The following CTNNAL1 variants were observed in gnomAD, a reference collection of about 807,000 sequenced individuals.
CTNNAL1 encodes the protein alpha-catulin.
A neutral mutation model predicts 93.6 loss-of-function variants in CTNNAL1; 69 were observed. The ratio of observed to expected loss-of-function variants is 0.74; its 90% confidence interval spans 0.61 to 0.90. The LOEUF is 0.90. Among genes scored for constraint, CTNNAL1 ranks in the 40% least tolerant of loss-of-function variants. The pLI is 0.00. For synonymous variants in CTNNAL1, 286 were observed against 305.4 expected, an observed-to-expected ratio of 0.94 and a Z score of 0.66; for missense variants, 836 against 862.0, an observed-to-expected ratio of 0.97 and a Z score of 0.38.
At chr9:108,945,527 T>G (rs1830375418) in intron 15 of CTNNAL1, among the ~76,000 whole-genome samples, 1 of 151,228 alleles carries the variant, frequency 6.6e-6, no homozygotes, top group Admixed American at 6.6e-5. Flanking sequence ...AGTGGTGTGA[T>G]CACAGCTCAC....
At chr9:108,988,533 TG>T (rs1196953212) in intron 4 of CTNNAL1, among the ~76,000 whole-genome samples, 4 of 152,238 alleles carry the variant, frequency 2.6e-5, no homozygotes, top group African/African-American at 9.6e-5. Context: ...ACTGTTAAAA[TG>T]TAAGTCAGAA....
At chr9:109,011,062 T>C (rs915706480) in intron 1 of CTNNAL1, among the ~76,000 whole-genome samples, 1 of 152,218 alleles carries the variant, frequency 6.6e-6, no homozygotes, top group African/African-American at 2.4e-5. Flanking sequence ...TGGTGAAACA[T>C]GAGTTGGGTA....
chr9:109,008,915 T>C (rs1827125019), intron 1 of CTNNAL1, among the ~76,000 whole-genome samples: 1 of 117,782 alleles, frequency 8.5e-6, no homozygotes. Flanking sequence ...TGAGACAGGG[T>C]CTCATTCTGT....
chr9:108,993,099 A>C (rs1196961685), intron 2 of CTNNAL1, among the ~76,000 whole-genome samples: 1 of 152,214 alleles, frequency 6.6e-6, no homozygotes, highest in Non-Finnish European at 1.5e-5. Flanking sequence ...AAACTACACA[A>C]TCTAAAAGCC....
At chr9:109,000,227 C>T (rs1826750033) in intron 1 of CTNNAL1, among the ~76,000 whole-genome samples, 1 of 152,170 alleles carries the variant, frequency 6.6e-6, no homozygotes, top group Admixed American at 6.5e-5. Context: ...TACAATATTG[C>T]TTTTCATCAA....
At chr9:108,948,118 G>A (rs1218605864) in intron 15 of CTNNAL1, 68 bp downstream of exon 15, 1 of 1,517,554 alleles carries the variant, frequency 6.6e-7, no homozygotes, top group East Asian at 2.3e-5. Flanking sequence ...TAAATCATCT[G>A]GAAAACATTT....
chr9:108,995,695 G>T (rs1298601120), intron 2 of CTNNAL1, among the ~76,000 whole-genome samples: 1 of 152,022 alleles, frequency 6.6e-6, no homozygotes, highest in Non-Finnish European at 1.5e-5. Context: ...TGGTAGCCAA[G>T]TAAAAAGCAA....
intron 7 of CTNNAL1, among the ~76,000 whole-genome samples, chr9:108,977,927 T>A (rs1831309587): frequency 6.6e-6 from 1 of 152,236 alleles, no homozygotes; most frequent in South Asian, 2.1e-4. Flanking sequence ...TTTTAGCTTA[T>A]TCATCTTTAG....
intron 12 of CTNNAL1, 47 bp downstream of exon 12, chr9:108,955,743 A>T: frequency 6.6e-7 from 1 of 1,507,968 alleles, no homozygotes; most frequent in Non-Finnish European, 9.1e-7. Context: ...GCATAATTTG[A>T]ATTCTGAATA....
chr9:108,991,401 G>A (rs140191214), intron 3 of CTNNAL1, among the ~76,000 whole-genome samples: 50 of 152,306 alleles, frequency 3.3e-4, no homozygotes, highest in African/African-American at 1.1e-3. Context: ...TAAAGAGTGT[G>A]TGAATCTGGT....
intron 1 of CTNNAL1, among the ~76,000 whole-genome samples, chr9:109,001,172 C>CAA (rs757020475): frequency 0.26 from 14,608 of 56,612 alleles, 1,339 homozygotes; most frequent in Non-Finnish European, 0.34. Flanking sequence ...ACTCCATCTC[C>CAA]AAAAAAAAAA....
rs1830318553 is a variant in CTNNAL1 at position 108,943,815 on chromosome 9, A to C, written c.1943T>G (p.Leu648Arg). The C allele has an allele frequency of 6.2e-7, 1 of 1,612,742 alleles. No homozygotes were observed. Among genetic ancestry groups the C allele is most frequent in the Non-Finnish European group, 8.5e-7 (1 of 1,179,616 alleles). Residue 648 changes from leucine (L) to arginine (R), a missense_variant and splice_region_variant, in exon 17 of 19, where the codon CTG becomes CGG. By Grantham distance (102) the Leu-to-Arg change is moderately radical. Coordinates refer to ENST00000325551, the MANE Select transcript of CTNNAL1 (RefSeq NM_003798.4). ...TSSVQAFSKQLKDDDKLMLLL... is the reference protein window; with the variant it reads ...TSSVQAFSKQRKDDDKLMLLL... ...AAGCATAAGCTTGTCATCGTCTTTC[A>C]GCTGAAATGTAATTTAACAAGTTAT...
intron 14 of CTNNAL1, chr9:108,950,687 C>A: frequency 6.9e-7 from 1 of 1,452,420 alleles, no homozygotes. Context: ...GAGGTGGATG[C>A]TCATCTTTTC....
Position 108,984,357 on chromosome 9 carries a change from G to GGT in CTNNAL1, c.718_719insAC (p.Thr240AsnfsTer8). ...CCAAAATTGTCTTACCTTTGAAGCT[G>GGT]TGAGAAGCATCATTGTACACTTTTC... On this transcript the variant is annotated frameshift_variant, in exon 5 of 19. Transcript: ENST00000325551. LOFTEE classifies it high-confidence loss of function. The GGT allele has an allele frequency of 6.2e-7, 1 of 1,602,002 alleles. No homozygotes were observed. The highest frequency in any genetic ancestry group is 8.5e-7 in the Non-Finnish European group (1 of 1,170,332).
intron 1 of CTNNAL1, among the ~76,000 whole-genome samples, chr9:109,012,854 T>C (rs555008493): frequency 9.9e-5 from 15 of 152,250 alleles, no homozygotes; most frequent in Admixed American, 8.5e-4. Context: ...GGAGCCGGGC[T>C]CGGGACCAGG....
At chr9:108,970,351 T>C (rs1831075907) in intron 10 of CTNNAL1, 51 bp downstream of exon 10, 3 of 1,514,326 alleles carry the variant, frequency 2.0e-6, no homozygotes, top group Non-Finnish European at 2.7e-6. Context: ...CAACTTGTTA[T>C]AACACTCAGA....
chr9:108,987,530 A>G (rs1226861403), intron 4 of CTNNAL1, among the ~76,000 whole-genome samples: 2 of 151,594 alleles, frequency 1.3e-5, no homozygotes, highest in Non-Finnish European at 3.0e-5. Flanking sequence ...TTGGTTCCAT[A>G]TGAACTTTAA....
chr9:108,987,387 T>C (rs35919304), intron 4 of CTNNAL1, among the ~76,000 whole-genome samples: 4 of 152,218 alleles, frequency 2.6e-5, no homozygotes, highest in Admixed American at 2.0e-4. Flanking sequence ...CATTGATCTA[T>C]ATCTCTGTTT....
intron 15 of CTNNAL1, among the ~76,000 whole-genome samples, chr9:108,945,692 C>A (rs10979619): frequency 0.019 from 2,847 of 150,066 alleles, 44 homozygotes; most frequent in Non-Finnish European, 0.031. Context: ...CCCAGCTGGT[C>A]TCAAACTCCT....
Sources: gnomAD v4.1 joint callset for allele counts (sites outside exome capture counted in the v4.1 genomes callset) on GRCh38, gnomAD v4.1.1 for gene constraint, MANE v1.5 for transcripts, NCBI Gene and HGNC (gene_info 2026-07-23, HGNC 2026-07-21) for gene names.